Variants in SLC25A24 observed in about 807,000 individuals in gnomAD.
The protein encoded by SLC25A24 is mitochondrial adenyl nucleotide antiporter SLC25A24.
In SLC25A24, 49 loss-of-function variants were observed where a neutral mutation model predicts 60.7. That is an observed-to-expected ratio of 0.81 (90% CI 0.64 to 1.02). The LOEUF (loss-of-function observed/expected upper bound fraction) is 1.02. Among genes scored for constraint, SLC25A24 ranks in the 50% least tolerant of loss-of-function variants. The pLI is 0.00. For missense variants in SLC25A24, 564 were observed against 586.3 expected, an observed-to-expected ratio of 0.96 and a Z score of 0.39; for synonymous variants, 202 against 200.6, an observed-to-expected ratio of 1.01 and a Z score of -0.06.
intron 8 of SLC25A24, among the ~76,000 whole-genome samples, chr1:108,142,124 TAA>T (rs1203453144): frequency 2.0e-5 from 3 of 152,106 alleles, no homozygotes; most frequent in Non-Finnish European, 4.4e-5. Context: ...AAATGGAAAT[TAA>T]GTGTTAATAA....
intron 6 of SLC25A24, among the ~76,000 whole-genome samples, chr1:108,152,642 C>T (rs556258136): frequency 1.3e-5 from 2 of 152,330 alleles, no homozygotes; most frequent in African/African-American, 2.4e-5. Context: ...CCACCACGCC[C>T]GGCTCCCCTT....
chr1:108,179,722 T>A (rs1647846669), intron 3 of SLC25A24, among the ~76,000 whole-genome samples: 2 of 151,600 alleles, frequency 1.3e-5, no homozygotes, highest in African/African-American at 4.9e-5. Flanking sequence ...ACTTTGGGAG[T>A]CGGGTATGGT....
chr1:108,172,255 C>T (rs778805870), intron 3 of SLC25A24, among the ~76,000 whole-genome samples: 60 of 152,340 alleles, frequency 3.9e-4, no homozygotes, highest in Non-Finnish European at 7.3e-4. Flanking sequence ...TATTTCAACT[C>T]AGTGACTCCT....
intron 1 of SLC25A24, among the ~76,000 whole-genome samples, chr1:108,188,092 T>A (rs1203733389): frequency 6.6e-6 from 1 of 151,830 alleles, no homozygotes; most frequent in African/African-American, 2.4e-5. Flanking sequence ...TGGATGCAGC[T>A]GAAGGCCATT....
intron 3 of SLC25A24, among the ~76,000 whole-genome samples, chr1:108,174,633 C>G (rs1647607240): frequency 6.6e-6 from 1 of 152,176 alleles, no homozygotes; most frequent in Non-Finnish European, 1.5e-5. Flanking sequence ...CCACCGACAG[C>G]TTGCACCATG....
intron 8 of SLC25A24, 106 bp from the exon 9 acceptor site, chr1:108,139,314 G>A (rs371912507): frequency 1.2e-5 from 14 of 1,198,770 alleles, no homozygotes; most frequent in Admixed American, 7.5e-5. Context: ...TCTGCAGGAT[G>A]AGGCCACGCA....
At chr1:108,144,815 T>C (rs963718614) in intron 7 of SLC25A24, among the ~76,000 whole-genome samples, 11 of 152,238 alleles carry the variant, frequency 7.2e-5, no homozygotes, top group Admixed American at 4.6e-4. Flanking sequence ...CATATTTTGT[T>C]TATCTAGTCT....
rs367873742 is a variant in SLC25A24 at position 108,143,243 on chromosome 1, G to A, written c.1098+300C>T. On this transcript the variant is annotated intron_variant, in intron 8 of 9. Coordinates refer to ENST00000565488, the MANE Select transcript of SLC25A24 (RefSeq NM_013386.5). ...AGTCACATTAGTCACTTGGCTTAAT[G>A]TCAGATTTTTGCAAATCCAAAACAA... Among the ~76,000 whole-genome samples the A allele has an allele frequency of 2.1e-4, 32 of 152,268 alleles. No homozygotes were observed. In the East Asian group the frequency reaches 3.5e-3, roughly 17 times the overall value.
Position 108,154,987 on chromosome 1 carries a change from T to G in SLC25A24, c.818A>C (p.Glu273Ala). 1.9e-6 allele frequency: 3 copies of G among 1,607,712 alleles called. No individual in the cohort carries two copies. The highest frequency in any genetic ancestry group is 2.5e-6 in the Non-Finnish European group (3 of 1,177,264). ...PETAVKFWAY[E>A]QYKKLLTEEG... ...TCCACGGGTGATAACAATTACCTGT[T>G]CATATGCCCAGAATTTAACAGCTGT... The change falls in exon 6 of 10, where the codon GAA (glutamate) becomes GCA (alanine). Residue 273 changes from glutamate to alanine, a missense_variant. Coordinates refer to ENST00000565488, the MANE Select transcript of SLC25A24 (RefSeq NM_013386.5).
intron 8 of SLC25A24, among the ~76,000 whole-genome samples, chr1:108,141,133 G>C (rs960077045): frequency 1.3e-5 from 2 of 152,140 alleles, no homozygotes; most frequent in Non-Finnish European, 2.9e-5. Context: ...AAGAGAAAAG[G>C]GGTGGCCATA....
At chr1:108,197,850 C>T (rs1281916753) in intron 1 of SLC25A24, among the ~76,000 whole-genome samples, 1 of 152,124 alleles carries the variant, frequency 6.6e-6, no homozygotes, top group Non-Finnish European at 1.5e-5. Context: ...CTGATGTGGC[C>T]GTGTTGGGAG....
chr1:108,160,322 G>A (rs1034512805), intron 4 of SLC25A24, among the ~76,000 whole-genome samples: 38 of 150,752 alleles, frequency 2.5e-4, no homozygotes, highest in African/African-American at 7.1e-4. Flanking sequence ...ATGGGATGGC[G>A]GCCGGGAAGA....
intron 1 of SLC25A24, chr1:108,192,823 C>G (rs567915731): frequency 1.6e-6 from 2 of 1,219,026 alleles, no homozygotes; most frequent in African/African-American, 1.5e-5. Context: ...GGCTTCAGCG[C>G]AAAGGCGCGA....
intron 3 of SLC25A24, among the ~76,000 whole-genome samples, chr1:108,173,151 G>C (rs1427234136): frequency 1.3e-5 from 2 of 152,114 alleles, no homozygotes; most frequent in African/African-American, 2.4e-5. Flanking sequence ...TGGATTGCTT[G>C]AGCCCAGGAT....
At position 108,136,725 on chromosome 1, in the gene SLC25A24, C is replaced by T; in HGVS notation, c.1362G>A (p.Val454=). ...CATAACTGATGCCTACAGCAGGGAG[C>T]ACCTTCATGAAGTTTGGGGTGATGC... ...YRGITPNFMK[V]LPAVGISYVV... Residue 454 remains valine, a synonymous_variant, in exon 10 of 10, where the codon GTG becomes GTA. Transcript: ENST00000565488. 1 of 1,614,128 alleles carries T rather than the reference C, an allele frequency of 6.2e-7. No individual in the cohort carries two copies. Among genetic ancestry groups the T allele is most frequent in the Non-Finnish European group, 8.5e-7 (1 of 1,179,970 alleles).
rs531545389 is a variant in SLC25A24, at chr1:108,159,544, T to A, written c.510+1638A>T. ...ATTTGGCAGGGTCACAGGACAATAG[T>A]GGAGGGAAGGTCAGCAGATAAACAA... On this transcript the variant is annotated intron_variant, in intron 4 of 9. Transcript: ENST00000565488. Among the ~76,000 whole-genome samples, 944 of 146,082 alleles carry A rather than the reference T, an allele frequency of 6.5e-3. 7 individuals carry two copies. Among genetic ancestry groups the A allele is most frequent in the African/African-American group, 0.023 (902 of 39,138 alleles).
intron 1 of SLC25A24, among the ~76,000 whole-genome samples, chr1:108,195,727 G>C (rs1057124989): frequency 5.3e-5 from 8 of 152,260 alleles, no homozygotes; most frequent in Non-Finnish European, 1.0e-4. Context: ...GGCTGGCCAT[G>C]GTAGCTCATG....
chr1:108,182,176 T>A, intron 2 of SLC25A24, 148 bp from the exon 3 acceptor site: 1 of 555,512 alleles, frequency 1.8e-6, no homozygotes, highest in Non-Finnish European at 3.2e-6. Context: ...CTTGCTTAAA[T>A]GCCTATCCCA....
At chr1:108,154,928 G>T in intron 6 of SLC25A24, 55 bp downstream of exon 6, 3 of 1,336,026 alleles carry the variant, frequency 2.2e-6, no homozygotes, top group Non-Finnish European at 2.1e-6. Flanking sequence ...AACATTTATT[G>T]AATCCGTTTA....
Sources: allele counts gnomAD v4.1 joint callset (sites outside exome capture counted in the v4.1 genomes callset), GRCh38; gene constraint gnomAD v4.1.1; transcripts MANE v1.5; gene names NCBI Gene and HGNC (gene_info 2026-07-23, HGNC 2026-07-21).